The following PPP1R12A variants were observed in gnomAD, a reference collection of about 807,000 sequenced individuals.
PPP1R12A encodes the protein myosin binding subunit.
In PPP1R12A, 19 loss-of-function variants were observed where a neutral mutation model predicts 139.6. That is an observed-to-expected ratio of 0.14 (90% confidence interval 0.09 to 0.20). The LOEUF is 0.20. Ranked by LOEUF, PPP1R12A falls within the 10% of genes least tolerant of loss-of-function variation. The pLI is 1.00. For synonymous variants in PPP1R12A, 427 were observed against 420.6 expected (o/e 1.02, Z -0.19); for missense variants, 925 against 1,211.5 (o/e 0.76, Z 3.51).
At chr12:79,926,237 G>A (rs951293992) in intron 1 of PPP1R12A, among the ~76,000 whole-genome samples, 2 of 152,194 alleles carry the variant, frequency 1.3e-5, no homozygotes, top group African/African-American at 4.8e-5. Context: ...CCAGGCTGGA[G>A]TGAAGAGGCA....
At chr12:79,786,024 T>A (rs977300428) in intron 22 of PPP1R12A, among the ~76,000 whole-genome samples, 1 of 152,190 alleles carries the variant, frequency 6.6e-6, no homozygotes, top group African/African-American at 2.4e-5. Context: ...CATAAAATAT[T>A]TGTAGTAAAC....
intron 1 of PPP1R12A, among the ~76,000 whole-genome samples, chr12:79,901,167 G>T (rs1343157719): frequency 6.6e-6 from 1 of 152,142 alleles, no homozygotes; most frequent in Non-Finnish European, 1.5e-5. Flanking sequence ...AAGCTTTTTG[G>T]CAGAAGTAAC....
chr12:79,860,451 G>A (rs1008952373), intron 2 of PPP1R12A, among the ~76,000 whole-genome samples: 1 of 152,018 alleles, frequency 6.6e-6, no homozygotes, highest in African/African-American at 2.4e-5. Flanking sequence ...AAAGAACAAT[G>A]ACGAGTATCT....
intron 2 of PPP1R12A, among the ~76,000 whole-genome samples, chr12:79,851,753 G>C (rs1880064353): frequency 6.6e-6 from 1 of 152,152 alleles, no homozygotes. Context: ...CTTCTTCAGA[G>C]AGATCTGATG....
At chr12:79,847,648 A>G (rs1374268633) in intron 2 of PPP1R12A, among the ~76,000 whole-genome samples, 2 of 152,148 alleles carry the variant, frequency 1.3e-5, no homozygotes, top group Non-Finnish European at 1.5e-5. Context: ...CCCTTCAAAA[A>G]GTTTATAGTC....
At position 79,805,742 on chromosome 12, in the gene PPP1R12A, T is replaced by C. The variant is rs1189121354; in HGVS notation, c.1850A>G (p.Asp617Gly). ...SSTSNRLWAE[D>G]STEKEKDSVP... ...ACTGTCCTTTTCTTTCTCAGTACTA[T>C]CCTCAGCCCACAAACGATTTGAGGT... Residue 617 changes from aspartate (D) to glycine (G), a missense_variant, in exon 14 of 25, where the codon GAT (aspartate) becomes GGT (glycine). Physicochemically the swap from Asp to Gly is moderately conservative, Grantham distance 94. Transcript: ENST00000450142. 3.1e-6 allele frequency: 5 copies of C among 1,612,844 alleles called. No individual in the cohort carries two copies. Among genetic ancestry groups the C allele is most frequent in the Non-Finnish European group, 4.2e-6 (5 of 1,179,396 alleles).
chr12:79,848,566 CAGAGT>C (rs1351165806), intron 2 of PPP1R12A, among the ~76,000 whole-genome samples: 1 of 152,064 alleles, frequency 6.6e-6, no homozygotes, highest in African/African-American at 2.4e-5. Flanking sequence ...GAGAAACTAA[CAGAGT>C]AAAGTACCAA....
chr12:79,783,295 CAAAAAAAAAAA>C (rs5799441), intron 22 of PPP1R12A, among the ~76,000 whole-genome samples: 2 of 117,114 alleles, frequency 1.7e-5, no homozygotes, highest in Admixed American at 1.8e-4. Flanking sequence ...CCGTCTCTAC[CAAAAAAAAAAA>C]AAAAAAAGGA....
At chr12:79,796,642 C>A (rs1020457887) in intron 17 of PPP1R12A, 140 bp downstream of exon 17, 7 of 621,986 alleles carry the variant, frequency 1.1e-5, no homozygotes, top group Middle Eastern at 4.1e-4. Context: ...TCATTCTCAA[C>A]CTTCATATTC....
intron 12 of PPP1R12A, 151 bp downstream of exon 12, chr12:79,807,075 C>A: frequency 2.0e-6 from 1 of 502,636 alleles, no homozygotes; most frequent in South Asian, 2.8e-5. Context: ...AATATATATC[C>A]TGTGTTTAGA....
At chr12:79,912,232 A>C (rs1343168583) in intron 1 of PPP1R12A, among the ~76,000 whole-genome samples, 1 of 152,216 alleles carries the variant, frequency 6.6e-6, no homozygotes, top group Non-Finnish European at 1.5e-5. Flanking sequence ...CCAAACTCTC[A>C]AAACCTTCTG....
chr12:79,893,351 TTTAAAA>T (rs2137434951), intron 1 of PPP1R12A, among the ~76,000 whole-genome samples: 2 of 152,300 alleles, frequency 1.3e-5, no homozygotes, highest in South Asian at 4.1e-4. Context: ...CCTAACATAC[TTTAAAA>T]ATTGTATAAT....
chr12:79,894,650 T>C (rs1333637957), intron 1 of PPP1R12A, among the ~76,000 whole-genome samples: 1 of 152,146 alleles, frequency 6.6e-6, no homozygotes, highest in Non-Finnish European at 1.5e-5. Flanking sequence ...TGATATTGCC[T>C]TAAAAAAAAG....
chr12:79,856,779 T>C (rs1880706855), intron 2 of PPP1R12A, among the ~76,000 whole-genome samples: 1 of 152,240 alleles, frequency 6.6e-6, no homozygotes, highest in African/African-American at 2.4e-5. Context: ...TGGTTTTGCA[T>C]ATGACAGGCA....
At chr12:79,927,023 T>C (rs1887899291) in intron 1 of PPP1R12A, among the ~76,000 whole-genome samples, 1 of 87,294 alleles carries the variant, frequency 1.1e-5, no homozygotes, top group South Asian at 4.0e-4. Context: ...ACGGGGAGAC[T>C]CTGTCAAAGA....
chr12:79,823,152 TAGTA>T (rs1212727749), intron 5 of PPP1R12A, among the ~76,000 whole-genome samples: 1 of 152,148 alleles, frequency 6.6e-6, no homozygotes, highest in Non-Finnish European at 1.5e-5. Flanking sequence ...TGACTAAACA[TAGTA>T]AGAATATTTC....
chr12:79,834,769 C>G (rs1877870060), intron 3 of PPP1R12A, among the ~76,000 whole-genome samples: 2 of 152,286 alleles, frequency 1.3e-5, no homozygotes, highest in East Asian at 3.9e-4. Flanking sequence ...GCATCTCAAA[C>G]TCAATGCTAA....
intron 1 of PPP1R12A, among the ~76,000 whole-genome samples, chr12:79,929,643 C>T (rs1013511924): frequency 2.0e-5 from 3 of 152,032 alleles, no homozygotes; most frequent in Admixed American, 6.5e-5. Context: ...GTGCCACGCA[C>T]CCGTAATCCC....
intron 19 of PPP1R12A, 130 bp from the exon 20 acceptor site, chr12:79,790,613 G>A: frequency 1.7e-6 from 1 of 575,562 alleles, no homozygotes; most frequent in Non-Finnish European, 2.9e-6. Context: ...GGTTCTTTAT[G>A]CATAACAGTA....
Sources: gnomAD v4.1 joint callset for allele counts (sites outside exome capture counted in the v4.1 genomes callset) on GRCh38, gnomAD v4.1.1 for gene constraint, MANE v1.5 for transcripts, NCBI Gene and HGNC (gene_info 2026-07-23, HGNC 2026-07-21) for gene names.